The following FREM2 variants were observed in gnomAD, a reference collection of about 807,000 sequenced individuals.
FREM2 encodes the protein FRAS1-related extracellular matrix protein 2.
A neutral mutation model predicts 219.9 loss-of-function variants in FREM2; 119 were observed. The ratio of observed to expected loss-of-function variants is 0.54; its 90% CI spans 0.47 to 0.63. The LOEUF (loss-of-function observed/expected upper bound fraction) is 0.63. Ranked by LOEUF, FREM2 falls within the 30% of genes least tolerant of loss-of-function variation. The probability of loss-of-function intolerance (pLI) is 0.00; values close to 1 mark genes in which losing one functional copy is unlikely to be tolerated. For missense variants in FREM2, 4,030 were observed against 3,993.6 expected (o/e 1.01, Z -0.25); for synonymous variants, 1,562 against 1,522.8 (o/e 1.03, Z -0.60).
In FREM2 at chr13:38,692,260, G is replaced by A. The variant is rs77886481; in HGVS notation, c.4916G>A (p.Arg1639Lys). ...TTTCCTGATACGGTGTTTGAAACAA[G>A]GAGACCCCAAGTGATGAAGATCCAG... is the stretch of plus-strand genomic sequence containing the variant. ...YVFPDTVFET[R>K]RPQVMKIQVL... is the part of the protein sequence containing the mutation. The change falls in exon 1 of 24, where the codon AGG becomes AAG. Residue 1639 changes from arginine to lysine, a missense_variant. Physicochemically the swap from Arg to Lys is conservative, Grantham distance 26. This residue lies in a region of FREM2 where 3,102 missense variants were observed against 2,950.7 expected (regional missense o/e 1.05). Coordinates refer to ENST00000280481, the MANE Select transcript of FREM2 (RefSeq NM_207361.6). The A allele has an allele frequency of 1.2e-3, 1,965 of 1,614,092 alleles. 42 individuals carry two copies. In the East Asian group the frequency reaches 0.039, roughly 32 times the overall value.
At chr13:38,717,412 CTTTTTTTTTTT>C (rs386378868) in intron 2 of FREM2, among the ~76,000 whole-genome samples, 1 of 90,146 alleles carries the variant, frequency 1.1e-5, no homozygotes, top group Non-Finnish European at 2.0e-5. Context: ...TACATAAGTA[CTTTTTTTTTTT>C]TTTTTTTTTT....
At chr13:38,806,609 A>T (rs1448892751) in intron 6 of FREM2, among the ~76,000 whole-genome samples, 1 of 151,846 alleles carries the variant, frequency 6.6e-6, no homozygotes, top group East Asian at 2.0e-4. Context: ...TTGCCAAAAA[A>T]TGCTAATGAT....
At chr13:38,733,092 A>G (rs530618908) in intron 2 of FREM2, among the ~76,000 whole-genome samples, 5 of 152,298 alleles carry the variant, frequency 3.3e-5, no homozygotes, top group African/African-American at 9.6e-5. Context: ...ACTGTAAACC[A>G]TCTGCTAGAG....
Position 38,850,323 on chromosome 13 carries a change from G to A in FREM2, c.6577+88G>A, listed in dbSNP as rs548869387. Reference sequence around the variant, plus strand: ...TATATCAGGGAAATACAAGTTCCTCGATATCAACAAGCATATGGCATGGTT... The same window carrying A: ...TATATCAGGGAAATACAAGTTCCTCAATATCAACAAGCATATGGCATGGTT... On this transcript the variant is annotated intron_variant, in intron 9 of 23. Transcript: ENST00000280481. 3.1e-5 allele frequency: 33 copies of A among 1,072,236 alleles called. No homozygotes were observed. In the Middle Eastern group the frequency reaches 7.3e-4, roughly 24 times the overall value. The allele number at this position is 1,072,236 out of a possible 1,614,324, so 66.4% of individuals were successfully genotyped here.
chr13:38,730,668 A>G (rs1871728904), intron 2 of FREM2, among the ~76,000 whole-genome samples: 1 of 152,144 alleles, frequency 6.6e-6, no homozygotes, highest in Non-Finnish European at 1.5e-5. Flanking sequence ...ATTTGCACCT[A>G]TGTGTTTTGA....
intron 4 of FREM2, among the ~76,000 whole-genome samples, chr13:38,773,522 C>T (rs1873754228): frequency 6.6e-6 from 1 of 152,158 alleles, no homozygotes; most frequent in Non-Finnish European, 1.5e-5. Flanking sequence ...TTCCAAGCAC[C>T]TAGTATTAGA....
At chr13:38,864,945 T>C (rs981626357) in intron 16 of FREM2, among the ~76,000 whole-genome samples, 11 of 152,234 alleles carry the variant, frequency 7.2e-5, no homozygotes, top group African/African-American at 2.4e-4. Flanking sequence ...GTTGTTTTTG[T>C]GTTTATGTGT....
At chr13:38,793,688 G>T (rs1408326116) in intron 6 of FREM2, among the ~76,000 whole-genome samples, 2 of 152,200 alleles carry the variant, frequency 1.3e-5, no homozygotes, top group East Asian at 1.9e-4. Flanking sequence ...GCAATGCAAA[G>T]AAAAGATTGA....
At chr13:38,725,296 A>T (rs1386575516) in intron 2 of FREM2, among the ~76,000 whole-genome samples, 9 of 152,212 alleles carry the variant, frequency 5.9e-5, no homozygotes, top group Admixed American at 5.9e-4. Flanking sequence ...TACTTTACAT[A>T]CATGGGAAAC....
At chr13:38,778,873 A>C (rs1007059108) in intron 4 of FREM2, among the ~76,000 whole-genome samples, 16 of 152,220 alleles carry the variant, frequency 1.1e-4, no homozygotes, top group African/African-American at 3.9e-4. Flanking sequence ...TGACCTGAAG[A>C]CTGCCAAAAT....
At chr13:38,821,935 A>C (rs937990227) in intron 6 of FREM2, 4 of 152,116 alleles carry the variant, frequency 2.6e-5, no homozygotes, top group Non-Finnish European at 4.4e-5. Flanking sequence ...TCTCTTCCAC[A>C]CAAAGAATGG....
Position 38,688,948 on chromosome 13 carries a change from G to A in FREM2, c.1604G>A (p.Arg535His), listed in dbSNP as rs1012177439. Residue 535 changes from arginine to histidine, a missense_variant, in exon 1 of 24, where the codon CGC becomes CAC. Physicochemically the swap from Arg to His is conservative, Grantham distance 29. Transcript: ENST00000280481. ...TCGCTGAGCGACAACCTGGTGCTTC[G>A]CATGGTGGATGGAGGAGGCAGGCAC... ...DGSLSDNLVLRMVDGGGRHQV... is the reference protein window; with the variant it reads ...DGSLSDNLVLHMVDGGGRHQV... The A allele has an allele frequency of 1.4e-5, 23 of 1,612,934 alleles. No homozygotes were observed. The highest frequency in any genetic ancestry group is 5.0e-5 in the Admixed American group (3 of 59,872).
rs1869704357 is a variant in FREM2 at position 38,689,526 on chromosome 13, T to C, written c.2182T>C (p.Tyr728His). The C allele has an allele frequency of 6.2e-7, 1 of 1,614,040 alleles. No homozygotes were observed. ...ACCACTGAGGAAGAAGTGGCTGCGCTACACTGACCTGGACACAGATGACCG... is the reference window on the plus strand; with the variant it reads ...ACCACTGAGGAAGAAGTGGCTGCGCCACACTGACCTGGACACAGATGACCG... ...LTPLRKKWLRYTDLDTDDREL... is the reference protein window; with the variant it reads ...LTPLRKKWLRHTDLDTDDREL... The change falls in exon 1 of 24, where the codon TAC (tyrosine) becomes CAC (histidine). Residue 728 changes from tyrosine (Y) to histidine (H), a missense_variant. Physicochemically the swap from Tyr to His is moderately conservative, Grantham distance 83. Coordinates refer to ENST00000280481, the MANE Select transcript of FREM2 (RefSeq NM_207361.6).
intron 22 of FREM2, 34 bp downstream of exon 22, chr13:38,878,355 G>T: frequency 1.3e-6 from 2 of 1,545,660 alleles, no homozygotes; most frequent in South Asian, 2.2e-5. Flanking sequence ...GAGCTAGATA[G>T]ATTTTTCAAA....
At chr13:38,738,423 A>G (rs1222990443) in intron 2 of FREM2, among the ~76,000 whole-genome samples, 1 of 151,880 alleles carries the variant, frequency 6.6e-6, no homozygotes, top group Non-Finnish European at 1.5e-5. Context: ...AAAATTAGCC[A>G]GGCGTGGTGG....
intron 2 of FREM2, among the ~76,000 whole-genome samples, chr13:38,761,961 T>C (rs1160711614): frequency 6.6e-6 from 1 of 152,080 alleles, no homozygotes; most frequent in Non-Finnish European, 1.5e-5. Flanking sequence ...GGGCAAAAGC[T>C]GTAGGCAAGA....
At chr13:38,859,725 AT>A in intron 14 of FREM2, 135 bp downstream of exon 14, 1 of 917,732 alleles carries the variant, frequency 1.1e-6, no homozygotes, top group Non-Finnish European at 1.7e-6. Context: ...ATTAAAATCT[AT>A]TTTTACAAAA....
At chr13:38,876,968 ACT>A (rs1878361520) in intron 20 of FREM2, 147 bp from the exon 21 acceptor site, 2 of 963,938 alleles carry the variant, frequency 2.1e-6, no homozygotes, top group African/African-American at 1.6e-5. Flanking sequence ...CAATGTTACA[ACT>A]CTCTGAGTTA....
intron 23 of FREM2, among the ~76,000 whole-genome samples, chr13:38,879,924 C>T (rs995615762): frequency 3.3e-5 from 5 of 152,154 alleles, no homozygotes; most frequent in African/African-American, 4.8e-5. Flanking sequence ...GTAGTCCTGC[C>T]TCTGCCACTA....
Sources: gnomAD v4.1 joint callset for allele counts (sites outside exome capture counted in the v4.1 genomes callset) on GRCh38, gnomAD v4.1.1 for gene constraint, gnomAD v4.1.1 regional missense constraint, MANE v1.5 for transcripts, NCBI Gene and HGNC (gene_info 2026-07-23, HGNC 2026-07-21) for gene names.